The following MCTP1 variants were observed in gnomAD, a reference collection of about 807,000 sequenced individuals.
MCTP1 encodes the protein multiple C2 and transmembrane domain-containing protein 1.
Under a neutral mutation model 120.6 loss-of-function variants are expected in MCTP1, and 69 were observed. That is an observed-to-expected ratio of 0.57 (90% CI 0.47 to 0.70). The LOEUF (loss-of-function observed/expected upper bound fraction) is 0.70, where lower values mean the gene tolerates loss of function less well. Ranked by LOEUF, MCTP1 falls within the 30% of genes least tolerant of loss-of-function variation. The pLI is 0.00. For synonymous variants in MCTP1, 529 were observed against 493.1 expected, an observed-to-expected ratio of 1.07 and a Z score of -0.96; for missense variants, 1,203 against 1,248.8, an observed-to-expected ratio of 0.96 and a Z score of 0.55.
At chr5:94,830,321 A>G (rs761525431) in intron 17 of MCTP1, among the ~76,000 whole-genome samples, 1 of 152,248 alleles carries the variant, frequency 6.6e-6, no homozygotes, top group Non-Finnish European at 1.5e-5. Flanking sequence ...TATCCCTGAC[A>G]TTTGTATTTA....
chr5:95,010,375 T>C (rs1483245889), intron 2 of MCTP1, among the ~76,000 whole-genome samples: 1 of 152,134 alleles, frequency 6.6e-6, no homozygotes, highest in East Asian at 1.9e-4. Context: ...CTGCAGTGCT[T>C]CCTAGCTTTT....
chr5:95,120,388 A>G (rs1368485518), intron 1 of MCTP1, among the ~76,000 whole-genome samples: 2 of 152,104 alleles, frequency 1.3e-5, no homozygotes, highest in Admixed American at 1.3e-4. Context: ...AAAAAAAAGA[A>G]AACTATAGGC....
chr5:94,880,090 C>T lies in MCTP1; in HGVS notation c.1934-6849G>A, dbSNP rs569317525. 1.8e-4 allele frequency among the ~76,000 whole-genome samples: 27 copies of T among 151,864 alleles called. No individual in the cohort carries two copies. The East Asian group carries it at 4.3e-3, about 24-fold the overall frequency. ...TGGGACCTATAAAATGAGAAGAGGC[C>T]GTGAGAAAATTATGCCTAAGCTTTT... On this transcript the variant is annotated intron_variant, in intron 12 of 22. Transcript: ENST00000515393.
At chr5:95,180,830 T>C (rs1748521578) in intron 1 of MCTP1, among the ~76,000 whole-genome samples, 1 of 152,100 alleles carries the variant, frequency 6.6e-6, no homozygotes, top group Admixed American at 6.6e-5. Flanking sequence ...CTTCCCATCT[T>C]CTCCATCTTT....
intron 17 of MCTP1, among the ~76,000 whole-genome samples, chr5:94,860,641 G>A (rs966565359): frequency 6.6e-6 from 1 of 151,530 alleles, no homozygotes; most frequent in African/African-American, 2.4e-5. Flanking sequence ...ACCACCAAGA[G>A]TATAAAAGTA....
chr5:94,924,073 T>A, intron 6 of MCTP1, 52 bp from the exon 7 acceptor site: 2 of 1,061,518 alleles, frequency 1.9e-6, no homozygotes, highest in Non-Finnish European at 2.7e-6. Flanking sequence ...TGAGAATAAT[T>A]AATATTGTAA....
chr5:95,208,864 T>G (rs1751989760), intron 1 of MCTP1, among the ~76,000 whole-genome samples: 1 of 152,128 alleles, frequency 6.6e-6, no homozygotes, highest in Non-Finnish European at 1.5e-5. Context: ...GCCAAAGAAC[T>G]CTCAATTTTC....
intron 1 of MCTP1, among the ~76,000 whole-genome samples, chr5:95,086,818 G>C (rs1755475249): frequency 6.6e-6 from 1 of 152,182 alleles, no homozygotes; most frequent in Non-Finnish European, 1.5e-5. Context: ...TAGTTCTTAG[G>C]AATCCTAACA....
At chr5:95,060,563 C>T (rs1748690778) in intron 1 of MCTP1, among the ~76,000 whole-genome samples, 1 of 152,156 alleles carries the variant, frequency 6.6e-6, no homozygotes, top group Non-Finnish European at 1.5e-5. Flanking sequence ...TAATATGAAT[C>T]TTTTTCCTTT....
chr5:95,235,520 C>CTT (rs1244935237), intron 1 of MCTP1, among the ~76,000 whole-genome samples: 3 of 151,408 alleles, frequency 2.0e-5, no homozygotes, highest in Non-Finnish European at 4.4e-5. Context: ...AGTAGAAACA[C>CTT]TTTCTTTCTT....
chr5:95,206,537 A>G (rs1420074217), intron 1 of MCTP1, among the ~76,000 whole-genome samples: 1 of 151,998 alleles, frequency 6.6e-6, no homozygotes, highest in Non-Finnish European at 1.5e-5. Flanking sequence ...CATTTTATAG[A>G]TTTTGTTTGT....
intron 17 of MCTP1, among the ~76,000 whole-genome samples, chr5:94,803,740 G>A (rs1361886441): frequency 6.6e-6 from 1 of 152,118 alleles, no homozygotes; most frequent in Non-Finnish European, 1.5e-5. Context: ...AAGAAGCCAT[G>A]CCAACTAAAT....
chr5:95,105,410 T>C (rs1341200449), intron 1 of MCTP1, among the ~76,000 whole-genome samples: 3 of 152,122 alleles, frequency 2.0e-5, no homozygotes, highest in Non-Finnish European at 2.9e-5. Flanking sequence ...ATTGGGGTCA[T>C]TATTAGGGAC....
At chr5:95,189,029 G>T (rs1339159149) in intron 1 of MCTP1, among the ~76,000 whole-genome samples, 6 of 152,108 alleles carry the variant, frequency 3.9e-5, no homozygotes, top group African/African-American at 7.2e-5. Context: ...AAAGCAAAAA[G>T]ATTTGAATAC....
At chr5:94,998,740 G>A (rs1243293703) in intron 2 of MCTP1, among the ~76,000 whole-genome samples, 1 of 152,128 alleles carries the variant, frequency 6.6e-6, no homozygotes, top group Non-Finnish European at 1.5e-5. Flanking sequence ...TTGACGTACA[G>A]GGCCAAATTC....
intron 19 of MCTP1, among the ~76,000 whole-genome samples, chr5:94,724,747 C>T (rs534203274): frequency 2.6e-5 from 4 of 152,092 alleles, no homozygotes; most frequent in African/African-American, 4.8e-5. Context: ...TTAAAAGAAC[C>T]TTATCAATAT....
intron 1 of MCTP1, among the ~76,000 whole-genome samples, chr5:95,141,811 T>C (rs1169425175): frequency 6.6e-6 from 1 of 152,200 alleles, no homozygotes; most frequent in Non-Finnish European, 1.5e-5. Flanking sequence ...GCAGGATTTT[T>C]ATTAATGTAG....
intron 17 of MCTP1, among the ~76,000 whole-genome samples, chr5:94,814,515 GC>G (rs1784093242): frequency 6.6e-6 from 1 of 152,152 alleles, no homozygotes; most frequent in East Asian, 1.9e-4. Flanking sequence ...AACTGGAAAA[GC>G]AGGGTCCTAG....
At chr5:94,859,767 A>C (rs1284843810) in intron 17 of MCTP1, among the ~76,000 whole-genome samples, 1 of 151,706 alleles carries the variant, frequency 6.6e-6, no homozygotes, top group East Asian at 1.9e-4. Context: ...ACGTCAAAAT[A>C]TAACACTTCT....
Sources: gnomAD v4.1 joint callset for allele counts (sites outside exome capture counted in the v4.1 genomes callset) on GRCh38, gnomAD v4.1.1 for gene constraint, MANE v1.5 for transcripts, NCBI Gene and HGNC (gene_info 2026-07-23, HGNC 2026-07-21) for gene names.